Variants in DACH1 observed in about 807,000 individuals in gnomAD.
DACH1 encodes the protein dachshund homolog 1.
In DACH1, 12 loss-of-function variants were observed where a neutral mutation model predicts 54.2. The ratio of observed to expected loss-of-function variants is 0.22; its 90% CI spans 0.14 to 0.36. DACH1 has a LOEUF of 0.36. Ranked by LOEUF, DACH1 falls within the 10% of genes least tolerant of loss-of-function variation. DACH1 has a pLI of 1.00. For missense variants in DACH1, 805 were observed against 929.8 expected (o/e 0.87, Z 1.75); for synonymous variants, 386 against 366.2 (o/e 1.05, Z -0.62).
At position 71,650,625 on chromosome 13, in the gene DACH1, T is replaced by C. The variant is rs371734279; in HGVS notation, c.965-19908A>G. The stretch of plus-strand genomic sequence containing the variant: ...AACACTTTCTCTCTCTGTGAGGTAA[T>C]AGAAGACCAAAACAACTTTTAAAAC... On this transcript the variant is annotated intron_variant, in intron 2 of 10. Transcript: ENST00000613252. 1.6e-4 allele frequency among the ~76,000 whole-genome samples: 25 copies of C among 152,262 alleles called. No individual in the cohort carries two copies. In the South Asian group the frequency reaches 4.8e-3, roughly 29 times the overall value.
intron 1 of DACH1, among the ~76,000 whole-genome samples, chr13:71,778,760 A>G (rs926744094): frequency 6.6e-6 from 1 of 152,070 alleles, no homozygotes; most frequent in Non-Finnish European, 1.5e-5. Context: ...TAAGAATAAC[A>G]TTTCCAAAAA....
chr13:71,739,657 C>G (rs9572776), intron 1 of DACH1, among the ~76,000 whole-genome samples: 11,960 of 152,150 alleles, frequency 0.079, 1,156 homozygotes, highest in East Asian at 0.31. Context: ...CAAGACAGCT[C>G]TAGAAATAGA....
chr13:71,578,365 C>A (rs893419478), intron 3 of DACH1, among the ~76,000 whole-genome samples: 6 of 152,086 alleles, frequency 3.9e-5, no homozygotes, highest in African/African-American at 1.4e-4. Flanking sequence ...AACAAAACTT[C>A]TAAATAAAAG....
At chr13:71,575,557 T>A (rs1885477604) in intron 3 of DACH1, among the ~76,000 whole-genome samples, 1 of 151,706 alleles carries the variant, frequency 6.6e-6, no homozygotes, top group African/African-American at 2.4e-5. Flanking sequence ...AATAACTCTA[T>A]TTTTCACATT....
chr13:71,508,434 G>T (rs1318111930), intron 6 of DACH1, among the ~76,000 whole-genome samples: 1 of 151,708 alleles, frequency 6.6e-6, no homozygotes, highest in Non-Finnish European at 1.5e-5. Context: ...ATGCATGGAA[G>T]ACAGATCTAA....
At chr13:71,853,930 C>G (rs1052423781) in intron 1 of DACH1, among the ~76,000 whole-genome samples, 3 of 151,946 alleles carry the variant, frequency 2.0e-5, no homozygotes, top group African/African-American at 7.3e-5. Flanking sequence ...GCTGGGTGAC[C>G]GGTATCTTAG....
intron 1 of DACH1, among the ~76,000 whole-genome samples, chr13:71,845,395 CT>C (rs1453661594): frequency 2.0e-5 from 3 of 152,060 alleles, no homozygotes; most frequent in African/African-American, 7.2e-5. Flanking sequence ...AACTATAATA[CT>C]TTTTTGCTGT....
intron 6 of DACH1, among the ~76,000 whole-genome samples, chr13:71,532,548 G>GA (rs1279775200): frequency 2.0e-5 from 3 of 152,018 alleles, no homozygotes; most frequent in Non-Finnish European, 2.9e-5. Flanking sequence ...TGTTAATTAT[G>GA]AAAAATGTAT....
rs779271094 is a variant in DACH1 at position 71,672,178 on chromosome 13, G to A, written c.964+9617C>T. ...TTTATATTTCTATCTATTAAGCTTA[G>A]GTTTATATTAGCACTTTCCAAAGTT... is the stretch of plus-strand genomic sequence containing the variant. On this transcript the variant is annotated intron_variant, in intron 2 of 10. Transcript: ENST00000613252. 3.9e-5 allele frequency among the ~76,000 whole-genome samples: 6 copies of A among 152,014 alleles called. 1 individual carries two copies. The highest frequency in any genetic ancestry group is 1.5e-5 in the Non-Finnish European group (1 of 67,942).
At chr13:71,804,043 G>A (rs1305724898) in intron 1 of DACH1, among the ~76,000 whole-genome samples, 1 of 152,172 alleles carries the variant, frequency 6.6e-6, no homozygotes, top group Non-Finnish European at 1.5e-5. Context: ...ACAAAGCTGG[G>A]TGTAGTGGCT....
intron 6 of DACH1, among the ~76,000 whole-genome samples, chr13:71,555,352 T>C (rs934381116): frequency 1.3e-5 from 2 of 149,572 alleles, no homozygotes; most frequent in Non-Finnish European, 3.0e-5. Context: ...TATCTTTTCT[T>C]TTTTTTTTTG....
At chr13:71,456,174 G>A (rs1875549735) in intron 10 of DACH1, among the ~76,000 whole-genome samples, 1 of 151,982 alleles carries the variant, frequency 6.6e-6, no homozygotes, top group Non-Finnish European at 1.5e-5. Flanking sequence ...AATTTCACAA[G>A]ATTGCCAAAC....
chr13:71,622,317 G>C (rs1876306167), intron 3 of DACH1, among the ~76,000 whole-genome samples: 1 of 151,692 alleles, frequency 6.6e-6, no homozygotes, highest in Non-Finnish European at 1.5e-5. Flanking sequence ...AACAATATTG[G>C]ACTACAAACA....
intron 3 of DACH1, among the ~76,000 whole-genome samples, chr13:71,611,709 G>GC (rs749614052): frequency 1.3e-5 from 2 of 152,070 alleles, no homozygotes; most frequent in Non-Finnish European, 2.9e-5. Flanking sequence ...AATATTACAT[G>GC]CTTTTTTCGT....
chr13:71,545,698 A>C (rs528005189), intron 6 of DACH1, among the ~76,000 whole-genome samples: 1 of 152,192 alleles, frequency 6.6e-6, no homozygotes, highest in East Asian at 1.9e-4. Flanking sequence ...AATATAGTCC[A>C]CAAAATAATT....
intron 4 of DACH1, among the ~76,000 whole-genome samples, chr13:71,564,339 T>A (rs1373288056): frequency 6.6e-6 from 1 of 152,038 alleles, no homozygotes; most frequent in East Asian, 1.9e-4. Flanking sequence ...ATATTTAATT[T>A]AATACTTCAA....
intron 2 of DACH1, among the ~76,000 whole-genome samples, chr13:71,632,153 CAG>C (rs1179630339): frequency 1.3e-5 from 2 of 151,838 alleles, no homozygotes; most frequent in African/African-American, 4.8e-5. Context: ...AGAAAAGAAA[CAG>C]AGTTTGAGAC....
intron 2 of DACH1, among the ~76,000 whole-genome samples, chr13:71,641,282 A>G (rs1877879849): frequency 6.6e-6 from 1 of 152,120 alleles, no homozygotes; most frequent in African/African-American, 2.4e-5. Flanking sequence ...CACATAGAAT[A>G]AAGAATACAG....
intron 2 of DACH1, among the ~76,000 whole-genome samples, chr13:71,651,991 A>G (rs2138625447): frequency 6.6e-6 from 1 of 152,316 alleles, no homozygotes; most frequent in East Asian, 1.9e-4. Flanking sequence ...TAGTAAATTA[A>G]TGAACCCTTC....
Sources: allele counts gnomAD v4.1 joint callset (sites outside exome capture counted in the v4.1 genomes callset), GRCh38; gene constraint gnomAD v4.1.1; transcripts MANE v1.5; gene names NCBI Gene and HGNC (gene_info 2026-07-23, HGNC 2026-07-21).